The following MYO15A variants were observed in gnomAD, a reference collection of about 807,000 sequenced individuals.
The protein encoded by MYO15A is unconventional myosin-XV.
A neutral mutation model predicts 394.6 loss-of-function variants in MYO15A; 308 were observed. That is an observed-to-expected ratio of 0.78 (90% CI 0.71 to 0.86). MYO15A has a LOEUF of 0.86. MYO15A is among the 40% of genes least tolerant of loss of function. MYO15A has a pLI of 0.00. For missense variants in MYO15A, 4,606 were observed against 4,799.1 expected (o/e 0.96, Z 1.19); for synonymous variants, 1,957 against 2,003.8 (o/e 0.98, Z 0.62).
intron 5 of MYO15A, 77 bp from the exon 6 acceptor site, chr17:18,126,714 C>T (rs1393714987): frequency 1.1e-5 from 16 of 1,482,796 alleles, no homozygotes; most frequent in African/African-American, 2.8e-5. Flanking sequence ...TGGCTGGATA[C>T]GGATGCTCCC....
At chr17:18,175,292 C>CTTTTTTTTTTTTT (rs1182500584) in intron 65 of MYO15A, among the ~76,000 whole-genome samples, 1,133 of 91,110 alleles carry the variant, frequency 0.012, 208 homozygotes, top group African/African-American at 0.034. Context: ...TCTAGACTAT[C>CTTTTTTTTTTTTT]TTTTTTTTTT....
chr17:18,178,481 G>A (rs1161296681), intron 65 of MYO15A: 1 of 550,492 alleles, frequency 1.8e-6, no homozygotes, highest in African/African-American at 1.9e-5. Flanking sequence ...AGGCCACTGA[G>A]GCTCAGAGAG....
Position 18,155,408 on chromosome 17 carries a change from A to C in MYO15A, c.8435A>C (p.Gln2812Pro), listed in dbSNP as rs1268214856. ...MVKGGQEAGG[Q>P]LRVLRAYSFA... ...AAGGGTGGCCAGGAGGCCGGCGGGC[A>C]GCTGCGGGTCCTGCGTGCATACAGG... The change falls in exon 47 of 66, where the codon CAG becomes CCG. Residue 2812 changes from glutamine to proline, a missense_variant. Physicochemically the swap from Gln to Pro is moderately conservative, Grantham distance 76 (BLOSUM62 -1). This residue lies in a region of MYO15A where 2,776 missense variants were observed against 3,109.3 expected (regional missense o/e 0.89). Transcript: ENST00000647165. 2 of 1,613,364 alleles carry C rather than the reference A, an allele frequency of 1.2e-6. No homozygotes were observed. The highest frequency in any genetic ancestry group is 2.7e-5 in the African/African-American group (2 of 74,948).
At chr17:18,157,931 G>GC in intron 51 of MYO15A, 31 bp downstream of exon 51, 1 of 412,716 alleles carries the variant, frequency 2.4e-6, no homozygotes, top group Non-Finnish European at 4.5e-6. Flanking sequence ...GTGGGGCGGG[G>GC]TAGACCAGGG....
chr17:18,130,923 C>T (rs1157352356), intron 8 of MYO15A, 113 bp downstream of exon 8: 23 of 1,212,130 alleles, frequency 1.9e-5, no homozygotes, highest in Non-Finnish European at 2.7e-5. Flanking sequence ...GGTGGAGGGA[C>T]AGGCAGGAAA....
At chr17:18,126,695 T>C (rs752913242) in intron 5 of MYO15A, 96 bp from the exon 6 acceptor site, 3 of 1,402,560 alleles carry the variant, frequency 2.1e-6, no homozygotes, top group South Asian at 1.2e-5. Context: ...GTGGGCAGGA[T>C]TGGCTGTTTG....
intron 19 of MYO15A, among the ~76,000 whole-genome samples, chr17:18,140,212 T>C (rs2046353524): frequency 6.6e-6 from 1 of 152,196 alleles, no homozygotes; most frequent in East Asian, 1.9e-4. Flanking sequence ...CATGAGGTCA[T>C]AGCCAGAGTT....
In MYO15A at chr17:18,120,450, C is replaced by T. The variant is rs1422881835; in HGVS notation, c.1650C>T (p.Gly550=). The T allele has an allele frequency of 5.7e-6, 9 of 1,579,880 alleles. No homozygotes were observed. The highest frequency in any genetic ancestry group is 1.8e-5 in the Admixed American group (1 of 55,688). The change falls in exon 2 of 66, where the codon GGC becomes GGT. Residue 550 remains glycine, a synonymous_variant. Coordinates refer to ENST00000647165, the MANE Select transcript of MYO15A (RefSeq NM_016239.4). ...TCCAGCGCGCGCTGTCGGCCTTCGGCGCCCACCGGGGCCTGGGCTTCGGCC... is the reference window on the plus strand; with the variant it reads ...TCCAGCGCGCGCTGTCGGCCTTCGGTGCCCACCGGGGCCTGGGCTTCGGCC... ...RNLQRALSAF[G]AHRGLGFGPE...
rs1235646077 is a variant in MYO15A at position 18,117,233 on chromosome 17, G to A, written c.-219-1349G>A. On this transcript the variant is annotated intron_variant, in intron 1 of 65. Transcript: ENST00000647165. This position sits in a 1 kb window ranked among gnomAD's most constrained non-coding sequence, Gnocchi z 4.1. ...AGGTGAATCTTGGGGAGGAGGAGCA[G>A]GAAGAAGAGGAAAGTGAAGAGCCAG... 1.3e-5 allele frequency among the ~76,000 whole-genome samples: 2 copies of A among 152,234 alleles called. No homozygotes were observed. Among genetic ancestry groups the A allele is most frequent in the African/African-American group, 4.8e-5 (2 of 41,456 alleles).
intron 63 of MYO15A, 114 bp downstream of exon 63, chr17:18,171,885 A>C: frequency 6.8e-7 from 1 of 1,460,834 alleles, no homozygotes; most frequent in East Asian, 2.5e-5. Context: ...TTTCAGTGCC[A>C]GTCAAGCTGA....
chr17:18,123,089 C>T (rs181357109), intron 2 of MYO15A: 2 of 152,376 alleles, frequency 1.3e-5, no homozygotes, highest in Non-Finnish European at 2.9e-5. Flanking sequence ...AGGTGGAACT[C>T]GAGCCTGATG....
chr17:18,148,908 T>C lies in MYO15A; in HGVS notation c.6912T>C (p.Ile2304=). 1 of 1,607,066 alleles carries C rather than the reference T, an allele frequency of 6.2e-7. No homozygotes were observed. Among genetic ancestry groups the C allele is most frequent in the Non-Finnish European group, 8.5e-7 (1 of 1,176,858 alleles). ...TCCCTCGACAGAAGTCCTACTTCATTGTGGGCACAGAGGGGCCTGCAGCCA... is the reference window on the plus strand; with the variant it reads ...TCCCTCGACAGAAGTCCTACTTCATCGTGGGCACAGAGGGGCCTGCAGCCA... ...RDFPRQKSYF[I]VGTEGPAASR... is the part of the protein sequence containing the mutation. Residue 2304 remains isoleucine (I), a synonymous_variant, in exon 33 of 66, where the codon ATT becomes ATC. Coordinates refer to ENST00000647165, the MANE Select transcript of MYO15A (RefSeq NM_016239.4). The surrounding 1 kb of genome is among the most constrained non-coding windows in gnomAD (Gnocchi z 4.8).
chr17:18,148,377 G>A lies in MYO15A; in HGVS notation c.6692-119G>A. 1 of 1,459,110 alleles carries A rather than the reference G, an allele frequency of 6.9e-7. No individual in the cohort carries two copies. Among genetic ancestry groups the A allele is most frequent in the Non-Finnish European group, 9.4e-7 (1 of 1,068,954 alleles). The allele number at this position is 1,459,110 out of a possible 1,614,324, so 90.4% of individuals were successfully genotyped here. Reference sequence around the variant, plus strand: ...GGGGGTGGGACCTGGCCCAGGAAAGGGGAGCCAGGGAAGTGAGGCTACAGA... The same window carrying A: ...GGGGGTGGGACCTGGCCCAGGAAAGAGGAGCCAGGGAAGTGAGGCTACAGA... On this transcript the variant is annotated intron_variant, in intron 31 of 65. Transcript: ENST00000647165. This position sits in a 1 kb window ranked among gnomAD's most constrained non-coding sequence, Gnocchi z 4.8.
chr17:18,163,238 C>A lies in MYO15A; in HGVS notation c.9613-6C>A, dbSNP rs368823611. 1 of 1,614,090 alleles carries A rather than the reference C, an allele frequency of 6.2e-7. No individual in the cohort carries two copies. The highest frequency in any genetic ancestry group is 8.5e-7 in the Non-Finnish European group (1 of 1,179,940). ...CTGTCATCCCTCTCCCACCTATCTA[C>A]CCCAGGCAGGCCGCAGTTCCAAGAG... On this transcript the variant is annotated splice_region_variant and splice_polypyrimidine_tract_variant and intron_variant, in intron 58 of 65. Transcript: ENST00000647165.
intron 29 of MYO15A, among the ~76,000 whole-genome samples, chr17:18,145,317 A>G (rs1207009378): frequency 6.6e-6 from 1 of 151,936 alleles, no homozygotes; most frequent in Non-Finnish European, 1.5e-5. Flanking sequence ...CTAGGGCTGC[A>G]TGGGGAGCTC....
At chr17:18,174,392 C>T (rs1010542492) in intron 65 of MYO15A, among the ~76,000 whole-genome samples, 3 of 152,006 alleles carry the variant, frequency 2.0e-5, no homozygotes, top group Non-Finnish European at 4.4e-5. Context: ...AAGGCTGAGG[C>T]AAGGCAAGAG....
chr17:18,149,258 T>C lies in MYO15A; in HGVS notation c.6999T>C (p.Thr2333=). ...NSWDSDEDMS[T]RPQPQEHMPK... ...GGGACTCGGATGAGGACATGTCCACTAGACCCCAGCCCCAGGAGCACATGC... is the reference window on the plus strand; with the variant it reads ...GGGACTCGGATGAGGACATGTCCACCAGACCCCAGCCCCAGGAGCACATGC... Residue 2333 remains threonine (T), a synonymous_variant, in exon 34 of 66, where the codon ACT becomes ACC. Coordinates refer to ENST00000647165, the MANE Select transcript of MYO15A (RefSeq NM_016239.4). 6.2e-7 allele frequency: 1 copy of C among 1,613,996 alleles called. No individual in the cohort carries two copies. Among genetic ancestry groups the C allele is most frequent in the Non-Finnish European group, 8.5e-7 (1 of 1,179,972 alleles).
rs374370560 is a variant in MYO15A at position 18,119,074 on chromosome 17, A to T, written c.274A>T (p.Met92Leu). The change falls in exon 2 of 66, where the codon ATG becomes TTG. Residue 92 changes from methionine to leucine, a missense_variant. Met to Leu is a conservative substitution (Grantham distance 15, BLOSUM62 2). Around this residue, in one of 2 missense-constraint regions of MYO15A, gnomAD observed 1,830 missense variants for 1,689.7 expected, o/e 1.08. Transcript: ENST00000647165. ...GTCAAAGCTCATGACGCAGATGCGC[A>T]TGGGCAAGAAGAAGCGGGCGATGAA... ...STSKLMTQMR[M>L]GKKKRAMKGK... The T allele has an allele frequency of 4.3e-6, 7 of 1,612,020 alleles. No individual in the cohort carries two copies. The highest frequency in any genetic ancestry group is 5.1e-6 in the Non-Finnish European group (6 of 1,179,704).
chr17:18,111,155 C>T (rs538244381), intron 1 of MYO15A, among the ~76,000 whole-genome samples: 1 of 152,272 alleles, frequency 6.6e-6, no homozygotes, highest in East Asian at 1.9e-4. Context: ...TCCTGGGCAA[C>T]ATAGTGGGAC....
Sources: allele counts gnomAD v4.1 joint callset (sites outside exome capture counted in the v4.1 genomes callset), GRCh38; gene constraint gnomAD v4.1.1; regional missense constraint gnomAD v4.1.1; non-coding constraint Gnocchi (gnomAD v3.1); transcripts MANE v1.5; gene names NCBI Gene and HGNC (gene_info 2026-07-23, HGNC 2026-07-21).